NLRC5: variants seen among roughly 807,000 people sequenced by gnomAD.
NLRC5 encodes protein NLRC5.
Under a neutral mutation model 206.9 loss-of-function variants are expected in NLRC5, and 114 were observed. The observed-to-expected ratio is 0.55, with a 90% CI of 0.47 to 0.64. The LOEUF is 0.64. NLRC5 is among the 30% of genes least tolerant of loss of function. The pLI is 0.00. For synonymous variants in NLRC5, 952 were observed against 962.8 expected (o/e 0.99, Z 0.21); for missense variants, 2,008 against 2,305.5 (o/e 0.87, Z 2.64).
In NLRC5 at chr16:57,079,541, C is replaced by T. The variant is rs969051925; in HGVS notation, c.5238-5C>T. The T allele has an allele frequency of 1.2e-6, 2 of 1,613,874 alleles. No individual in the cohort carries two copies. The highest frequency in any genetic ancestry group is 1.7e-6 in the Non-Finnish European group (2 of 1,179,770). On this transcript the variant is annotated splice_polypyrimidine_tract_variant and splice_region_variant and intron_variant, in intron 45 of 48. Coordinates refer to ENST00000688547, the MANE Select transcript of NLRC5 (RefSeq NM_001384950.1). ...ATCCCATCCCATGCCCTTCTCCATC[C>T]CCAGCCTGGTTTCCTGTAAGATTGA...
intron 23 of NLRC5, 76 bp downstream of exon 23, chr16:57,047,704 T>C: frequency 3.2e-6 from 4 of 1,232,250 alleles, no homozygotes; most frequent in Non-Finnish European, 4.7e-6. Flanking sequence ...GCTTCTTGGT[T>C]AGAAGACAGG....
At chr16:57,002,182 C>T (rs987935493) in intron 1 of NLRC5, among the ~76,000 whole-genome samples, 1 of 152,190 alleles carries the variant, frequency 6.6e-6, no homozygotes, top group Non-Finnish European at 1.5e-5. Context: ...GACTCTTGCT[C>T]TGTCACCCAG....
chr16:56,991,053 G>A (rs1297179017), intron 1 of NLRC5: 1 of 152,118 alleles, frequency 6.6e-6, no homozygotes, highest in Non-Finnish European at 1.5e-5. Context: ...TTGGTTTCTC[G>A]TCTGTAAAAT....
chr16:57,044,080 C>T (rs1482085889), intron 20 of NLRC5, among the ~76,000 whole-genome samples: 1 of 149,680 alleles, frequency 6.7e-6, no homozygotes, highest in Non-Finnish European at 1.5e-5. Context: ...GGGCGGATCA[C>T]GTGAGGTCAG....
chr16:57,034,268 G>A lies in NLRC5; in HGVS notation c.2627+17G>A, dbSNP rs771498240. 2.5e-6 allele frequency: 4 copies of A among 1,604,796 alleles called. No individual in the cohort carries two copies. In the East Asian group the frequency reaches 9.0e-5, roughly 36 times the overall value. On this transcript the variant is annotated intron_variant, in intron 13 of 48. Transcript: ENST00000688547. ...GGAAGTGGAGTGAGTATCACGGGAA[G>A]CCCTGGCGTAGGAGCCAGGAAAGGA...
At chr16:57,013,387 T>C (rs16965039) in intron 1 of NLRC5, 35,719 of 630,272 alleles carry the variant, frequency 0.057, 1,151 homozygotes, top group South Asian at 0.089. Context: ...GTTACTAAGC[T>C]GTTGAACAAT....
chr16:57,027,319 T>G lies in NLRC5; in HGVS notation c.2075+301T>G, dbSNP rs77417203. Among the ~76,000 whole-genome samples, 725 of 152,326 alleles carry G rather than the reference T, an allele frequency of 4.8e-3. 7 individuals are homozygous for G. The highest frequency in any genetic ancestry group is 0.016 in the African/African-American group (682 of 41,570). On this transcript the variant is annotated intron_variant, in intron 6 of 48. Transcript: ENST00000688547. ...TGGGCAAGTATATGGAGCACACACATGCACACTGTCTAGGCCAGAGTTTCT... is the reference window on the plus strand; with the variant it reads ...TGGGCAAGTATATGGAGCACACACAGGCACACTGTCTAGGCCAGAGTTTCT...
intron 30 of NLRC5, 70 bp from the exon 31 acceptor site, chr16:57,061,378 G>A: frequency 1.3e-6 from 2 of 1,482,238 alleles, no homozygotes; most frequent in East Asian, 2.3e-5. Context: ...CCCTCAGGGA[G>A]GCTGAGATGA....
chr16:57,003,166 T>TCTC (rs2058495271), intron 1 of NLRC5, among the ~76,000 whole-genome samples: 1 of 152,036 alleles, frequency 6.6e-6, no homozygotes, highest in Non-Finnish European at 1.5e-5. Flanking sequence ...TTCAAGCTAT[T>TCTC]CTCCCACCTC....
rs1186648656 is a variant in NLRC5, at chr16:57,040,590, G to A, written c.2871-60G>A. 9.2e-6 allele frequency: 14 copies of A among 1,529,232 alleles called. 1 individual carries two copies. In the Admixed American group the frequency reaches 2.3e-4, roughly 26 times the overall value. 94.7% of individuals were successfully genotyped at this position (1,529,232 alleles called of 1,614,324 possible). ...GATGGTGGAAGGCCAGGCTGAGGAT[G>A]GATTCTGGAGATGGCGGACATGGCC... On this transcript the variant is annotated intron_variant, in intron 16 of 48. Transcript: ENST00000688547.
At chr16:57,081,501 C>T (rs766502491) in intron 47 of NLRC5, 26 bp from the exon 48 acceptor site, 1 of 1,608,198 alleles carries the variant, frequency 6.2e-7, no homozygotes, top group Non-Finnish European at 8.5e-7. Context: ...TTTCTCTTTC[C>T]CCTCCCCTCA....
Position 57,025,606 on chromosome 16 carries a change from G to T in NLRC5, c.663G>T (p.Pro221=). The T allele has an allele frequency of 6.2e-7, 1 of 1,614,162 alleles. No homozygotes were observed. The highest frequency in any genetic ancestry group is 8.5e-7 in the Non-Finnish European group (1 of 1,180,016). The change falls in exon 6 of 49, where the codon CCG becomes CCT. Residue 221 remains proline, a synonymous_variant. Coordinates refer to ENST00000688547, the MANE Select transcript of NLRC5 (RefSeq NM_001384950.1). Reference sequence around the variant, plus strand: ...TCAACACCAGGGTTAACAAGGGCCCGAGGGTGACCGTGCTTTTGGGGAAGG... The same window carrying T: ...TCAACACCAGGGTTAACAAGGGCCCTAGGGTGACCGTGCTTTTGGGGAAGG... ...DLFNTRVNKG[P]RVTVLLGKAG... is the part of the protein sequence containing the mutation.
In NLRC5 at chr16:57,082,438, C is replaced by T. The variant is rs769827810; in HGVS notation, c.5511C>T (p.Pro1837=). The T allele has an allele frequency of 1.2e-6, 2 of 1,613,386 alleles. No homozygotes were observed. The highest frequency in any genetic ancestry group is 2.2e-5 in the South Asian group (2 of 90,876). ...QVIRLWNNPI[P]CDMAQHLKSQ... ...ACAGCCTCTGGAATAACCCCATTCC[C>T]TGCGACATGGCCCAGCACCTGAAGA... Residue 1837 remains proline, a synonymous_variant, in exon 49 of 49, where the codon CCC becomes CCT. Coordinates refer to ENST00000688547, the MANE Select transcript of NLRC5 (RefSeq NM_001384950.1).
intron 38 of NLRC5, among the ~76,000 whole-genome samples, chr16:57,071,849 G>C (rs1459096837): frequency 2.0e-5 from 3 of 151,902 alleles, no homozygotes; most frequent in African/African-American, 4.8e-5. Context: ...GTGAGTGAGG[G>C]GTGATGGTGC....
intron 2 of NLRC5, among the ~76,000 whole-genome samples, chr16:57,020,393 C>T (rs1341676099): frequency 6.8e-6 from 1 of 147,682 alleles, no homozygotes; most frequent in Non-Finnish European, 1.5e-5. Context: ...CTCAGTTCAC[C>T]TGTCCCCCAG....
rs9888878 is a variant in NLRC5, at chr16:57,051,871, G to A, written c.3506+250G>A. The stretch of plus-strand genomic sequence containing the variant: ...AGGGGGCGTCGTTTGCCTCCTCTGC[G>A]TCTCAGTTTCCTCATCTGACAAATG... On this transcript the variant is annotated intron_variant, in intron 24 of 48. Transcript: ENST00000688547. Among the ~76,000 whole-genome samples, 1,122 of 152,216 alleles carry A rather than the reference G, an allele frequency of 7.4e-3. 13 individuals are homozygous for A. Among genetic ancestry groups the A allele is most frequent in the African/African-American group, 0.026 (1,063 of 41,514 alleles).
intron 2 of NLRC5, among the ~76,000 whole-genome samples, chr16:57,018,969 G>A (rs751124038): frequency 3.9e-5 from 6 of 152,106 alleles, no homozygotes; most frequent in East Asian, 1.9e-4. Flanking sequence ...TTGTATATAC[G>A]TTCATGATCG....
At chr16:57,018,566 AGTAT>A (rs1390830206) in intron 2 of NLRC5, among the ~76,000 whole-genome samples, 1 of 152,180 alleles carries the variant, frequency 6.6e-6, no homozygotes, top group Non-Finnish European at 1.5e-5. Flanking sequence ...AGTACATCCA[AGTAT>A]GTCTCTACTG....
intron 1 of NLRC5, among the ~76,000 whole-genome samples, chr16:57,011,327 C>A (rs374638084): frequency 4.0e-5 from 6 of 151,388 alleles, no homozygotes; most frequent in African/African-American, 1.5e-4. Flanking sequence ...ACAGGAGAAT[C>A]GCTTGGACCC....
Sources: gnomAD v4.1 joint callset for allele counts (sites outside exome capture counted in the v4.1 genomes callset) on GRCh38, gnomAD v4.1.1 for gene constraint, MANE v1.5 for transcripts, NCBI Gene and HGNC (gene_info 2026-07-23, HGNC 2026-07-21) for gene names.